The following MCTP1 variants were observed in gnomAD, a reference collection of about 807,000 sequenced individuals.
The protein encoded by MCTP1 is multiple C2 and transmembrane domain-containing protein 1.
In MCTP1, 69 loss-of-function variants were observed where a neutral mutation model predicts 120.6. That is an observed-to-expected ratio of 0.57 (90% CI 0.47 to 0.70). The LOEUF (loss-of-function observed/expected upper bound fraction) is 0.70. Among genes scored for constraint, MCTP1 ranks in the 30% least tolerant of loss-of-function variants. MCTP1 has a pLI of 0.00. For synonymous variants in MCTP1, 529 were observed against 493.1 expected (o/e 1.07, Z -0.96); for missense variants, 1,203 against 1,248.8 (o/e 0.96, Z 0.55).
intron 1 of MCTP1, among the ~76,000 whole-genome samples, chr5:95,135,942 A>G (rs1258922535): frequency 6.6e-6 from 1 of 152,240 alleles, no homozygotes; most frequent in Non-Finnish European, 1.5e-5. Flanking sequence ...GAGAATCACA[A>G]GCAAATGTAT....
intron 2 of MCTP1, among the ~76,000 whole-genome samples, chr5:94,976,560 T>G (rs1411302044): frequency 6.6e-6 from 1 of 152,154 alleles, no homozygotes; most frequent in African/African-American, 2.4e-5. Context: ...TTTCAATTTC[T>G]TCAGAGCAAC....
At chr5:95,219,107 C>T (rs143428442) in intron 1 of MCTP1, among the ~76,000 whole-genome samples, 4 of 152,090 alleles carry the variant, frequency 2.6e-5, no homozygotes, top group African/African-American at 9.7e-5. Context: ...AAAGGCCAGG[C>T]GCAGTGGCTC....
chr5:94,711,523 C>A (rs1312371938), intron 20 of MCTP1, among the ~76,000 whole-genome samples: 5 of 152,084 alleles, frequency 3.3e-5, no homozygotes, highest in African/African-American at 1.2e-4. Flanking sequence ...CCTCTTACTG[C>A]CCTTCTTCCC....
chr5:94,811,066 A>G (rs1783313497), intron 17 of MCTP1, among the ~76,000 whole-genome samples: 1 of 152,090 alleles, frequency 6.6e-6, no homozygotes, highest in Non-Finnish European at 1.5e-5. Flanking sequence ...CATTCCCCCA[A>G]TCCCTCTGTT....
intron 5 of MCTP1, among the ~76,000 whole-genome samples, chr5:94,933,281 C>T (rs897602958): frequency 5.3e-5 from 8 of 151,678 alleles, no homozygotes; most frequent in Non-Finnish European, 1.0e-4. Flanking sequence ...ATGTCCAGTT[C>T]ATTTTGAAGC....
In MCTP1 at chr5:94,706,207, G is replaced by C. The variant is rs1475323896; in HGVS notation, c.*1289C>G. 2 of 151,540 alleles carry C rather than the reference G, an allele frequency of 1.3e-5. No individual in the cohort carries two copies. Among genetic ancestry groups the C allele is most frequent in the East Asian group, 3.9e-4 (2 of 5,154 alleles). 9.4% of individuals were successfully genotyped at this position (151,540 alleles called of 1,614,324 possible). The stretch of plus-strand genomic sequence containing the variant: ...TCTGCTGCAATTTCAACTGAGTGTA[G>C]TCCCCTACCAAGTCAGGGAAGTAAG... On this transcript the variant is annotated 3_prime_UTR_variant, in exon 23 of 23. Transcript: ENST00000515393.
chr5:95,132,214 C>T (rs1321921197), intron 1 of MCTP1, among the ~76,000 whole-genome samples: 3 of 152,210 alleles, frequency 2.0e-5, no homozygotes, highest in African/African-American at 4.8e-5. Flanking sequence ...CAGTAACATT[C>T]TGTAACATCT....
intron 1 of MCTP1, among the ~76,000 whole-genome samples, chr5:95,141,677 C>T (rs1273796203): frequency 6.6e-6 from 1 of 152,120 alleles, no homozygotes; most frequent in Non-Finnish European, 1.5e-5. Context: ...TTTCTCCTTG[C>T]TCTCCCTACC....
At position 95,026,557 on chromosome 5, in the gene MCTP1, C is replaced by G. The variant is rs139158788; in HGVS notation, c.721-9073G>C. On this transcript the variant is annotated intron_variant, in intron 1 of 22. Coordinates refer to ENST00000515393, the MANE Select transcript of MCTP1 (RefSeq NM_024717.7). ...CCATGCAAAGTTTGTCTTTCTGTGC[C>G]CGGCTTATTTCGCTTAACAAAATGA... is the stretch of plus-strand genomic sequence containing the variant. Among the ~76,000 whole-genome samples the G allele has an allele frequency of 1.6e-4, 24 of 152,160 alleles. No individual in the cohort carries two copies. The East Asian group carries it at 2.5e-3, about 16-fold the overall frequency.
At chr5:95,056,182 A>G (rs192565303) in intron 1 of MCTP1, among the ~76,000 whole-genome samples, 56 of 152,304 alleles carry the variant, frequency 3.7e-4, no homozygotes, top group Non-Finnish European at 6.0e-4. Flanking sequence ...GAATTTCCAC[A>G]CATTTAATAT....
At chr5:94,851,642 T>A (rs1354560534) in intron 17 of MCTP1, among the ~76,000 whole-genome samples, 2 of 152,042 alleles carry the variant, frequency 1.3e-5, no homozygotes, top group African/African-American at 4.8e-5. Flanking sequence ...AACCTTTTAA[T>A]TATATTTTTG....
At chr5:95,095,480 T>C (rs1408996791) in intron 1 of MCTP1, among the ~76,000 whole-genome samples, 2 of 152,092 alleles carry the variant, frequency 1.3e-5, no homozygotes, top group East Asian at 3.9e-4. Context: ...GATCACAGGG[T>C]AAAGAACAGA....
chr5:95,028,939 T>C (rs1839788914), intron 1 of MCTP1, among the ~76,000 whole-genome samples: 1 of 152,104 alleles, frequency 6.6e-6, no homozygotes, highest in South Asian at 2.1e-4. Context: ...AGGCGGGCGA[T>C]CGTGAGGTCA....
chr5:94,962,858 A>C, intron 2 of MCTP1, among the ~76,000 whole-genome samples: 1 of 152,078 alleles, frequency 6.6e-6, no homozygotes, highest in East Asian at 1.9e-4. Context: ...TTCCCCAAAA[A>C]CCTATGGAAA....
At chr5:95,241,196 A>G (rs1756126197) in intron 1 of MCTP1, among the ~76,000 whole-genome samples, 1 of 152,148 alleles carries the variant, frequency 6.6e-6, no homozygotes, top group Admixed American at 6.5e-5. Context: ...TATCTTCTCT[A>G]TTATTATCCT....
intron 1 of MCTP1, among the ~76,000 whole-genome samples, chr5:95,078,852 C>T (rs1754239051): frequency 6.6e-6 from 1 of 152,004 alleles, no homozygotes; most frequent in Non-Finnish European, 1.5e-5. Context: ...TAATAGAACC[C>T]ATACCTAATA....
chr5:94,851,989 G>A (rs546112464), intron 17 of MCTP1, among the ~76,000 whole-genome samples: 1 of 151,906 alleles, frequency 6.6e-6, no homozygotes, highest in East Asian at 1.9e-4. Context: ...AATGATTAAT[G>A]ATCTTAATTT....
Position 94,781,132 on chromosome 5 carries a change from ATTT to A in MCTP1, c.2557-1972_2557-1970del, listed in dbSNP as rs35398709. Among the ~76,000 whole-genome samples the A allele has an allele frequency of 8.0e-3, 1,182 of 147,232 alleles. 17 individuals are homozygous for A. Among genetic ancestry groups the A allele is most frequent in the African/African-American group, 0.027 (1,085 of 40,308 alleles). On this transcript the variant is annotated intron_variant, in intron 18 of 22. Transcript: ENST00000515393. ...ATTATCTTTTAGATTTAAATGAAGT[ATTT>A]TTTTTTTTTTTGCTGAAATTACCCA...
intron 1 of MCTP1, among the ~76,000 whole-genome samples, chr5:95,024,715 G>A (rs1437435612): frequency 6.6e-6 from 1 of 151,028 alleles, no homozygotes; most frequent in Non-Finnish European, 1.5e-5. Flanking sequence ...AATTGATAAT[G>A]GAATTCATTA....
Sources: gnomAD v4.1 joint callset for allele counts (sites outside exome capture counted in the v4.1 genomes callset) on GRCh38, gnomAD v4.1.1 for gene constraint, MANE v1.5 for transcripts, NCBI Gene and HGNC (gene_info 2026-07-23, HGNC 2026-07-21) for gene names.